The following UBR3 variants were observed in gnomAD, a reference collection of about 807,000 sequenced individuals.
UBR3 encodes E3 ubiquitin-protein ligase UBR3.
Under a neutral mutation model 243.2 loss-of-function variants are expected in UBR3, and 85 were observed. That is an observed-to-expected ratio of 0.35 (90% confidence interval 0.29 to 0.42). The LOEUF (loss-of-function observed/expected upper bound fraction) is 0.42. UBR3 is among the 10% of genes least tolerant of loss of function. The pLI is 1.00. For missense variants in UBR3, 1,686 were observed against 2,300.8 expected, an observed-to-expected ratio of 0.73 and a Z score of 5.47; for synonymous variants, 748 against 799.8, an observed-to-expected ratio of 0.94 and a Z score of 1.09.
rs939397599 is a variant in UBR3, at chr2:169,949,675, G to A, written c.3155G>A (p.Arg1052His). The A allele has an allele frequency of 8.4e-6, 13 of 1,551,022 alleles. No individual in the cohort carries two copies. The East Asian group carries it at 1.7e-4, about 20-fold the overall frequency. ...AAGAAATTTCAGGAAATCATCAATC[G>A]CAGTAGCAGTGAAGCAAATCAGGTG... ...RRKKFQEIIN[R>H]SSSEANQVVR... Residue 1052 changes from arginine (R) to histidine (H), a missense_variant, in exon 23 of 39, where the codon CGC becomes CAC. Physicochemically the swap from Arg to His is conservative, Grantham distance 29. Around this residue, in one of 8 missense-constraint regions of UBR3, gnomAD observed 300 missense variants for 314.4 expected, o/e 0.95. Transcript: ENST00000272793.
intron 30 of UBR3, 69 bp downstream of exon 30, chr2:170,015,435 A>G: frequency 7.8e-7 from 1 of 1,283,050 alleles, no homozygotes; most frequent in African/African-American, 1.5e-5. Flanking sequence ...AGGAAAAGTG[A>G]CATTTTGGTA....
rs73975708 is a variant in UBR3 at position 169,965,139 on chromosome 2, A to G, written c.3634+6613A>G. ...ACCCCATTTTCACCCATTGCTCAAG[A>G]TAAAACTTGCAAAGTCACATGTTGT... On this transcript the variant is annotated intron_variant, in intron 24 of 38. Transcript: ENST00000272793. 5.3e-3 allele frequency among the ~76,000 whole-genome samples: 805 copies of G among 152,298 alleles called. 4 individuals carry two copies. Among genetic ancestry groups the G allele is most frequent in the African/African-American group, 0.018 (764 of 41,554 alleles).
intron 24 of UBR3, among the ~76,000 whole-genome samples, chr2:169,968,563 T>TAC (rs1298084231): frequency 6.6e-5 from 10 of 152,038 alleles, no homozygotes; most frequent in Non-Finnish European, 7.4e-5. Context: ...TTCCATTCTA[T>TAC]ACACACACAC....
intron 21 of UBR3, among the ~76,000 whole-genome samples, 180 bp downstream of exon 21, chr2:169,946,572 G>T (rs1010622136): frequency 2.0e-5 from 3 of 151,948 alleles, no homozygotes; most frequent in African/African-American, 7.2e-5. Context: ...ATCTTTTAAA[G>T]AACTACTAGA....
intron 23 of UBR3, among the ~76,000 whole-genome samples, chr2:169,954,586 T>G (rs113239886): frequency 6.9e-6 from 1 of 145,516 alleles, no homozygotes; most frequent in African/African-American, 2.6e-5. Flanking sequence ...TTTTTTTTTT[T>G]CGTTTTTGAG....
At chr2:169,837,714 C>T (rs1401122008) in intron 1 of UBR3, among the ~76,000 whole-genome samples, 3 of 152,288 alleles carry the variant, frequency 2.0e-5, no homozygotes, top group African/African-American at 7.2e-5. Flanking sequence ...TAGGGCAAAC[C>T]ATCCCCATCA....
chr2:169,898,317 C>G (rs1337077906), intron 8 of UBR3, among the ~76,000 whole-genome samples: 1 of 152,182 alleles, frequency 6.6e-6, no homozygotes, highest in East Asian at 1.9e-4. Context: ...TTGATATGAA[C>G]TCAGTGCAAG....
Position 170,008,847 on chromosome 2 carries a change from A to T in UBR3, c.4274A>T (p.Asp1425Val). Residue 1425 changes from aspartate (D) to valine (V), a missense_variant, in exon 29 of 39, where the codon GAT becomes GTT. By Grantham distance (152) the Asp-to-Val change is radical. Coordinates refer to ENST00000272793, the MANE Select transcript of UBR3 (RefSeq NM_172070.4). ...AAAGAAATGGAATCTGTAATGAAAG[A>T]TATAAAAAATACCACTCAGAAGAAA... The part of the protein sequence containing the change: ...LSKEMESVMK[D>V]IKNTTQKKYR... The T allele has an allele frequency of 1.3e-6, 2 of 1,496,294 alleles. No homozygotes were observed. The highest frequency in any genetic ancestry group is 2.3e-5 in the East Asian group (1 of 44,056). The allele number at this position is 1,496,294 out of a possible 1,614,324, so 92.7% of individuals were successfully genotyped here.
Position 170,082,364 on chromosome 2 carries a change from A to T in UBR3, c.*521A>T, listed in dbSNP as rs899488318. The T allele has an allele frequency of 1.7e-4, 26 of 152,676 alleles. 1 individual carries two copies. The highest frequency in any genetic ancestry group is 2.9e-5 in the Non-Finnish European group (2 of 68,054). 9.5% of individuals were successfully genotyped at this position (152,676 alleles called of 1,614,324 possible). The stretch of plus-strand genomic sequence containing the variant: ...ACTGTATAGTAAAAGTTGGTCTAAT[A>T]GTAGAACTTTAAAATTTTTTCTTAT... On this transcript the variant is annotated 3_prime_UTR_variant, in exon 39 of 39. Coordinates refer to ENST00000272793, the MANE Select transcript of UBR3 (RefSeq NM_172070.4).
intron 24 of UBR3, among the ~76,000 whole-genome samples, chr2:169,958,959 T>C (rs543167020): frequency 6.6e-6 from 1 of 152,294 alleles, no homozygotes; most frequent in Non-Finnish European, 1.5e-5. Context: ...AGATTAGCAT[T>C]AGAATTTATA....
At chr2:169,968,806 A>G (rs1036760574) in intron 24 of UBR3, among the ~76,000 whole-genome samples, 2 of 152,182 alleles carry the variant, frequency 1.3e-5, no homozygotes, top group African/African-American at 4.8e-5. Flanking sequence ...CATTCTTACT[A>G]GTAGTATACA....
At chr2:170,061,214 C>T (rs779891157) in intron 34 of UBR3, 28 bp downstream of exon 34, 41 of 1,578,192 alleles carry the variant, frequency 2.6e-5, no homozygotes, top group East Asian at 2.5e-4. Context: ...TCAGATGTAG[C>T]GGTTATTTAG....
chr2:169,856,281 C>T (rs1333898693), intron 1 of UBR3, among the ~76,000 whole-genome samples: 4 of 150,512 alleles, frequency 2.7e-5, no homozygotes, highest in East Asian at 3.9e-4. Context: ...GATGGGCAGC[C>T]GGGCAGAGAC....
At chr2:169,833,097 A>T (rs1211153259) in intron 1 of UBR3, among the ~76,000 whole-genome samples, 1 of 152,194 alleles carries the variant, frequency 6.6e-6, no homozygotes. Context: ...TGCTGCTTAT[A>T]TGAAAAGTCT....
chr2:169,876,885 C>CAAGAAGTGTTT (rs1206433234), intron 3 of UBR3, among the ~76,000 whole-genome samples: 80 of 152,070 alleles, frequency 5.3e-4, no homozygotes, highest in African/African-American at 1.9e-3. Flanking sequence ...TCTTTAAACG[C>CAAGAAGTGTTT]AAGGCTGAGA....
At chr2:170,005,381 A>C (rs1055179486) in intron 27 of UBR3, among the ~76,000 whole-genome samples, 1 of 152,202 alleles carries the variant, frequency 6.6e-6, no homozygotes, top group Admixed American at 6.5e-5. Flanking sequence ...CTCTGACAAC[A>C]CTCAGTTTGA....
At chr2:169,838,387 TTGTGTGTGTGTGTGTG>T (rs544974959) in intron 1 of UBR3, among the ~76,000 whole-genome samples, 13,699 of 114,284 alleles carry the variant, frequency 0.12, 771 homozygotes, top group South Asian at 0.25. Flanking sequence ...ATTAAGGCAT[TTGTGTGTGTGTGTGTG>T]TGTGTGTGTG....
chr2:170,062,456 A>G (rs186125352), intron 35 of UBR3, among the ~76,000 whole-genome samples: 126 of 152,302 alleles, frequency 8.3e-4, no homozygotes, highest in African/African-American at 2.9e-3. Context: ...CATTTTTATC[A>G]AGTGCTTCAA....
chr2:169,910,888 ATTTCCAAAGC>A (rs1302946497), intron 10 of UBR3, among the ~76,000 whole-genome samples: 1 of 152,172 alleles, frequency 6.6e-6, no homozygotes, highest in Non-Finnish European at 1.5e-5. Flanking sequence ...TAAAGCCAGA[ATTTCCAAAGC>A]TTTTTAGCTG....
Sources: allele counts gnomAD v4.1 joint callset (sites outside exome capture counted in the v4.1 genomes callset), GRCh38; gene constraint gnomAD v4.1.1; regional missense constraint gnomAD v4.1.1; transcripts MANE v1.5; gene names NCBI Gene and HGNC (gene_info 2026-07-23, HGNC 2026-07-21).